Variants in SPTLC2 observed in about 807,000 individuals in gnomAD.
The protein encoded by SPTLC2 is serine palmitoyltransferase long chain base subunit 2.
A neutral mutation model predicts 62.0 loss-of-function variants in SPTLC2; 21 were observed. The ratio of observed to expected loss-of-function variants is 0.34; its 90% confidence interval spans 0.24 to 0.49. The LOEUF (loss-of-function observed/expected upper bound fraction) is 0.49, where lower values mean the gene tolerates loss of function less well. Ranked by LOEUF, SPTLC2 falls within the 20% of genes least tolerant of loss-of-function variation. The pLI, the probability that SPTLC2 is intolerant of heterozygous loss-of-function variation, is 0.99. For missense variants in SPTLC2, 511 were observed against 713.0 expected (o/e 0.72, Z 3.23); for synonymous variants, 261 against 261.8 (o/e 1.00, Z 0.03).
chr14:77,598,883 C>T (rs2079862443), intron 1 of SPTLC2, among the ~76,000 whole-genome samples: 1 of 149,396 alleles, frequency 6.7e-6, no homozygotes, highest in Admixed American at 6.7e-5. Context: ...GGCAGTGAGC[C>T]ATGATCATGC....
intron 1 of SPTLC2, among the ~76,000 whole-genome samples, chr14:77,613,179 A>G (rs866550105): frequency 3.3e-5 from 5 of 152,336 alleles, no homozygotes; most frequent in Middle Eastern, 3.4e-3. Flanking sequence ...ATAATAATCC[A>G]ATTTGCTATA....
At chr14:77,541,787 T>C (rs2079502049) in intron 9 of SPTLC2, among the ~76,000 whole-genome samples, 1 of 152,164 alleles carries the variant, frequency 6.6e-6, no homozygotes, top group Non-Finnish European at 1.5e-5. Flanking sequence ...CCAGGTGCAG[T>C]GGCTCAAGAC....
At chr14:77,539,308 A>C (rs1393128886) in intron 9 of SPTLC2, among the ~76,000 whole-genome samples, 1 of 152,050 alleles carries the variant, frequency 6.6e-6, no homozygotes, top group Non-Finnish European at 1.5e-5. Flanking sequence ...AGAAAAGGCA[A>C]GCCAACAGGA....
Position 77,573,500 on chromosome 14 carries a change from AAAATAAATAAAT to A in SPTLC2, c.632-3004_632-2993del, listed in dbSNP as rs71452862. The stretch of plus-strand genomic sequence containing the variant: ...ATAAAAAATTTTTACAAAGATTTTA[AAAATAAATAAAT>A]AAATAAATAAATAAATAAATAAAAT... On this transcript the variant is annotated intron_variant, in intron 4 of 11. Transcript: ENST00000216484. Among the ~76,000 whole-genome samples, 256 of 150,302 alleles carry A rather than the reference AAAATAAATAAAT, an allele frequency of 1.7e-3. 1 individual carries two copies. Among genetic ancestry groups the A allele is most frequent in the African/African-American group, 5.7e-3 (232 of 40,892 alleles).
intron 1 of SPTLC2, among the ~76,000 whole-genome samples, chr14:77,611,504 A>G (rs1179578596): frequency 1.3e-5 from 2 of 151,646 alleles, no homozygotes; most frequent in Non-Finnish European, 2.9e-5. Flanking sequence ...GGAAAGTAGC[A>G]GATGGATTTA....
At chr14:77,563,680 C>T (rs573570562) in intron 5 of SPTLC2, among the ~76,000 whole-genome samples, 10 of 152,220 alleles carry the variant, frequency 6.6e-5, no homozygotes, top group Non-Finnish European at 1.0e-4. Flanking sequence ...CCCGCCTCAG[C>T]GTCCCGAAGT....
chr14:77,540,017 A>G (rs1222482637), intron 9 of SPTLC2, among the ~76,000 whole-genome samples: 3 of 151,964 alleles, frequency 2.0e-5, no homozygotes, highest in Admixed American at 1.3e-4. Context: ...ACCAACATGA[A>G]GAAACCCTGT....
chr14:77,522,927 TGGGA>T (rs1471247888), intron 9 of SPTLC2, among the ~76,000 whole-genome samples: 2 of 152,200 alleles, frequency 1.3e-5, no homozygotes, highest in Non-Finnish European at 2.9e-5. Context: ...CCATCATTCA[TGGGA>T]AGCTACTCTA....
chr14:77,614,919 C>T (rs941093283), intron 1 of SPTLC2, among the ~76,000 whole-genome samples: 2 of 150,308 alleles, frequency 1.3e-5, no homozygotes, highest in Admixed American at 6.6e-5. Context: ...TGCAGTGAGC[C>T]GAGATCGCGC....
At chr14:77,586,050 G>A (rs190090922) in intron 2 of SPTLC2, among the ~76,000 whole-genome samples, 79 of 151,062 alleles carry the variant, frequency 5.2e-4, no homozygotes, top group African/African-American at 1.7e-3. Context: ...CTTTGACAAC[G>A]ATGAACGTGA....
At chr14:77,600,485 T>C (rs1288531950) in intron 1 of SPTLC2, among the ~76,000 whole-genome samples, 1 of 152,208 alleles carries the variant, frequency 6.6e-6, no homozygotes. Context: ...ATCTTTCACA[T>C]GATTCAAACA....
chr14:77,542,063 G>GAAA (rs11402118), intron 9 of SPTLC2, among the ~76,000 whole-genome samples: 8,608 of 120,004 alleles, frequency 0.072, 301 homozygotes, highest in Middle Eastern at 0.12. Flanking sequence ...TCTGTGTCCG[G>GAAA]AAAAAAAAAA....
chr14:77,610,187 C>T (rs949593708), intron 1 of SPTLC2, among the ~76,000 whole-genome samples: 2 of 152,156 alleles, frequency 1.3e-5, no homozygotes, highest in African/African-American at 4.8e-5. Context: ...GTCGCCCAAG[C>T]TGAAGTGCAG....
Position 77,529,233 on chromosome 14 carries a change from T to C in SPTLC2, c.1304-7652A>G, listed in dbSNP as rs538018726. On this transcript the variant is annotated intron_variant, in intron 9 of 11. Transcript: ENST00000216484. ...AAGAACACATTTCATTCCTGTGAAG[T>C]TTCTCTTTGAAAACTTCTTCTTTTT... 1.3e-4 allele frequency among the ~76,000 whole-genome samples: 20 copies of C among 150,264 alleles called. No homozygotes were observed. In the East Asian group the frequency reaches 3.7e-3, roughly 28 times the overall value.
intron 1 of SPTLC2, among the ~76,000 whole-genome samples, chr14:77,606,023 T>C (rs2079902918): frequency 6.6e-6 from 1 of 152,198 alleles, no homozygotes; most frequent in Non-Finnish European, 1.5e-5. Context: ...TTACACACAT[T>C]GTCTAGAAAT....
At chr14:77,565,693 T>G (rs1455939798) in intron 5 of SPTLC2, among the ~76,000 whole-genome samples, 1 of 152,218 alleles carries the variant, frequency 6.6e-6, no homozygotes, top group Non-Finnish European at 1.5e-5. Context: ...TGGAGGAGAC[T>G]GAGGAGCTAC....
chr14:77,528,145 T>C (rs1171695438), intron 9 of SPTLC2, among the ~76,000 whole-genome samples: 1 of 152,186 alleles, frequency 6.6e-6, no homozygotes, highest in African/African-American at 2.4e-5. Flanking sequence ...AAAATAAAAT[T>C]ACTGCTACTC....
rs544002460 is a variant in SPTLC2, at chr14:77,596,518, C to T, written c.327+668G>A. 7.9e-5 allele frequency among the ~76,000 whole-genome samples: 12 copies of T among 152,098 alleles called. No individual in the cohort carries two copies. The South Asian group carries it at 2.1e-3, about 26-fold the overall frequency. On this transcript the variant is annotated intron_variant, in intron 2 of 11. Coordinates refer to ENST00000216484, the MANE Select transcript of SPTLC2 (RefSeq NM_004863.4). ...GACTCTGTCTCAAAAAATAAACAAA[C>T]AAACAAACAAACAAAAAACCCTTCA... is the stretch of plus-strand genomic sequence containing the variant.
chr14:77,537,704 C>T lies in SPTLC2; in HGVS notation c.1303+14392G>A, dbSNP rs1231911367. ...GGCTCCAACACTAGTAACTATGTGTCCTTGGGTAAGCAACTTAACCTCTTT... is the reference window on the plus strand; with the variant it reads ...GGCTCCAACACTAGTAACTATGTGTTCTTGGGTAAGCAACTTAACCTCTTT... On this transcript the variant is annotated intron_variant, in intron 9 of 11. Coordinates refer to ENST00000216484, the MANE Select transcript of SPTLC2 (RefSeq NM_004863.4). 2.6e-5 allele frequency among the ~76,000 whole-genome samples: 4 copies of T among 152,174 alleles called. No homozygotes were observed. In the East Asian group the frequency reaches 7.7e-4, roughly 29 times the overall value.
Sources: allele counts gnomAD v4.1 joint callset (sites outside exome capture counted in the v4.1 genomes callset), GRCh38; gene constraint gnomAD v4.1.1; transcripts MANE v1.5; gene names NCBI Gene and HGNC (gene_info 2026-07-23, HGNC 2026-07-21).